Variants in ZHX3 observed in about 807,000 individuals in gnomAD.
ZHX3 encodes zinc fingers and homeoboxes protein 3.
A neutral mutation model predicts 64.5 loss-of-function variants in ZHX3; 20 were observed. The ratio of observed to expected loss-of-function variants is 0.31; its 90% CI spans 0.22 to 0.45. The LOEUF (loss-of-function observed/expected upper bound fraction) is 0.45. ZHX3 is among the 20% of genes least tolerant of loss of function. The pLI, the probability that ZHX3 is intolerant of heterozygous loss-of-function variation, is 1.00. For missense variants in ZHX3, 1,041 were observed against 1,195.8 expected (o/e 0.87, Z 1.91); for synonymous variants, 423 against 461.6 (o/e 0.92, Z 1.07).
At chr20:41,225,989 A>C (rs1382721663) in intron 2 of ZHX3, among the ~76,000 whole-genome samples, 2 of 152,208 alleles carry the variant, frequency 1.3e-5, no homozygotes, top group African/African-American at 4.8e-5. Context: ...GTTACCTCAT[A>C]TAAATGAAGT....
intron 2 of ZHX3, among the ~76,000 whole-genome samples, chr20:41,235,989 A>T (rs570299736): frequency 6.6e-6 from 1 of 152,352 alleles, no homozygotes; most frequent in East Asian, 1.9e-4. Context: ...AGACAAACAG[A>T]GAGCCAAATC....
rs979741396 is a variant in ZHX3, at chr20:41,226,555, T to C, written c.-150-21489A>G. Among the ~76,000 whole-genome samples the C allele has an allele frequency of 2.6e-5, 4 of 152,158 alleles. No individual in the cohort carries two copies. Among genetic ancestry groups the C allele is most frequent in the Admixed American group, 1.3e-4 (2 of 15,278 alleles). Reference sequence around the variant, plus strand: ...ATTTTTTATTCTTTTGGGTATACACTTTTTCTTGTTTAAGCTCTCCACAAT... The same window carrying C: ...ATTTTTTATTCTTTTGGGTATACACCTTTTCTTGTTTAAGCTCTCCACAAT... On this transcript the variant is annotated intron_variant, in intron 2 of 3. Coordinates refer to ENST00000683867, the MANE Select transcript of ZHX3 (RefSeq NM_001384317.1). The surrounding 1 kb of genome is among the most constrained non-coding windows in gnomAD (Gnocchi z 4.4).
intron 1 of ZHX3, among the ~76,000 whole-genome samples, chr20:41,304,770 G>C (rs1263160026): frequency 6.6e-6 from 1 of 152,166 alleles, no homozygotes; most frequent in African/African-American, 2.4e-5. Context: ...CAGGAGACAG[G>C]TACTCTCCTC....
At chr20:41,254,693 T>C (rs2042148385) in intron 2 of ZHX3, 1 of 152,220 alleles carries the variant, frequency 6.6e-6, no homozygotes, top group Admixed American at 6.5e-5. Context: ...TGCAATTATA[T>C]TGCTTATATT....
chr20:41,236,360 A>G (rs1223819691), intron 2 of ZHX3, among the ~76,000 whole-genome samples: 1 of 152,240 alleles, frequency 6.6e-6, no homozygotes, highest in Non-Finnish European at 1.5e-5. Context: ...ATGCTACCTG[A>G]CTTCAAACTA....
At chr20:41,218,409 A>G (rs1008181657) in intron 2 of ZHX3, among the ~76,000 whole-genome samples, 1 of 151,300 alleles carries the variant, frequency 6.6e-6, no homozygotes, top group African/African-American at 2.4e-5. Flanking sequence ...ATGCTACTGC[A>G]CTTTAGCCTG....
At chr20:41,209,943 C>T (rs1358701774) in intron 2 of ZHX3, among the ~76,000 whole-genome samples, 3 of 151,972 alleles carry the variant, frequency 2.0e-5, no homozygotes, top group Non-Finnish European at 2.9e-5. Context: ...TGCAATCTAC[C>T]CATCTGACAA....
At chr20:41,252,758 G>C (rs1274651499) in intron 2 of ZHX3, among the ~76,000 whole-genome samples, 1 of 152,054 alleles carries the variant, frequency 6.6e-6, no homozygotes, top group African/African-American at 2.4e-5. Flanking sequence ...AATATAGAAG[G>C]CAGATTTCTA....
At chr20:41,253,885 G>C (rs2042108763) in intron 2 of ZHX3, among the ~76,000 whole-genome samples, 3 of 151,518 alleles carry the variant, frequency 2.0e-5, no homozygotes, top group Admixed American at 6.6e-5. Flanking sequence ...GTGGGTATAT[G>C]GTTGTTCATG....
intron 2 of ZHX3, among the ~76,000 whole-genome samples, chr20:41,248,663 G>GT (rs1198475649): frequency 2.6e-5 from 4 of 152,188 alleles, no homozygotes; most frequent in African/African-American, 9.7e-5. Context: ...GCTCAAAACT[G>GT]TATTTCTCTC....
At chr20:41,273,685 GTTTT>G (rs2043252971) in intron 1 of ZHX3, among the ~76,000 whole-genome samples, 1 of 152,124 alleles carries the variant, frequency 6.6e-6, no homozygotes, top group Non-Finnish European at 1.5e-5. Flanking sequence ...TGGACTCTCA[GTTTT>G]ATTCCACTGA....
intron 1 of ZHX3, among the ~76,000 whole-genome samples, chr20:41,291,495 CTTCT>C (rs1049325140): frequency 7.2e-5 from 11 of 152,100 alleles, no homozygotes; most frequent in Non-Finnish European, 1.3e-4. Flanking sequence ...TGACTACACT[CTTCT>C]TTGTTAATAA....
At chr20:41,186,399 G>T (rs189628072) in intron 3 of ZHX3, among the ~76,000 whole-genome samples, 14 of 152,254 alleles carry the variant, frequency 9.2e-5, no homozygotes, top group Admixed American at 8.5e-4. Context: ...TATTTATCTG[G>T]TGGTAAGTAC....
rs78969599 is a variant in ZHX3, at chr20:41,232,290, T to TA, written c.-150-27225dup. On this transcript the variant is annotated intron_variant, in intron 2 of 3. Coordinates refer to ENST00000683867, the MANE Select transcript of ZHX3 (RefSeq NM_001384317.1). This position sits in a 1 kb window ranked among gnomAD's most constrained non-coding sequence, Gnocchi z 5.0. ...TTGAAAATGGACTTACGCTGCAGCA[T>TA]AAAAAAAAAAAAAAGGTCTAGTTTT... is the stretch of plus-strand genomic sequence containing the variant. Among the ~76,000 whole-genome samples the TA allele has an allele frequency of 2.5e-3, 310 of 123,420 alleles. 2 individuals are homozygous for TA. Among genetic ancestry groups the TA allele is most frequent in the East Asian group, 0.011 (50 of 4,394 alleles). 81.0% of individuals were successfully genotyped at this position (123,420 alleles called of 152,430 possible). A position where few individuals can be genotyped will look rare whatever the true frequency, so the allele number is the denominator to read the frequency against.
intron 2 of ZHX3, among the ~76,000 whole-genome samples, chr20:41,252,043 G>A (rs1391529814): frequency 1.3e-5 from 2 of 152,142 alleles, no homozygotes; most frequent in Non-Finnish European, 2.9e-5. Context: ...GTCTATTCAA[G>A]ATAACTGTAT....
At chr20:41,215,267 T>TAAATAC (rs1460353802) in intron 2 of ZHX3, among the ~76,000 whole-genome samples, 3 of 151,380 alleles carry the variant, frequency 2.0e-5, no homozygotes, top group Admixed American at 2.0e-4. Context: ...AAAAAATAAA[T>TAAATAC]AAATACAAAT....
intron 1 of ZHX3, among the ~76,000 whole-genome samples, chr20:41,302,676 T>C (rs1189498803): frequency 6.6e-6 from 1 of 152,234 alleles, no homozygotes; most frequent in Non-Finnish European, 1.5e-5. Flanking sequence ...AGGCCTGGTA[T>C]ACAAAAGCCT....
chr20:41,284,422 A>G lies in ZHX3; in HGVS notation c.-244-15339T>C, dbSNP rs566871254. Among the ~76,000 whole-genome samples the G allele has an allele frequency of 2.6e-5, 4 of 152,188 alleles. No individual in the cohort carries two copies. The South Asian group carries it at 8.3e-4, about 32-fold the overall frequency. On this transcript the variant is annotated intron_variant, in intron 1 of 3. Transcript: ENST00000683867. ...TGGCCCACTACCTCCTAGGTTCAACATGTCCCAAACCAGAATCATCATCTC... is the reference window on the plus strand; with the variant it reads ...TGGCCCACTACCTCCTAGGTTCAACGTGTCCCAAACCAGAATCATCATCTC...
At chr20:41,262,171 G>C (rs1012776846) in intron 2 of ZHX3, among the ~76,000 whole-genome samples, 1 of 152,100 alleles carries the variant, frequency 6.6e-6, no homozygotes, top group African/African-American at 2.4e-5. Flanking sequence ...CCTCTTATCT[G>C]GACAACTGCC....
Sources: gnomAD v4.1 joint callset for allele counts (sites outside exome capture counted in the v4.1 genomes callset) on GRCh38, gnomAD v4.1.1 for gene constraint, Gnocchi (gnomAD v3.1) non-coding constraint, MANE v1.5 for transcripts, NCBI Gene and HGNC (gene_info 2026-07-23, HGNC 2026-07-21) for gene names.